The following CHST11 variants were observed in gnomAD, a reference collection of about 807,000 sequenced individuals.
CHST11 encodes carbohydrate sulfotransferase 11.
A neutral mutation model predicts 30.4 loss-of-function variants in CHST11; 9 were observed. That is an observed-to-expected ratio of 0.30 (90% confidence interval 0.18 to 0.52). The LOEUF (loss-of-function observed/expected upper bound fraction) is 0.52, where lower values mean the gene tolerates loss of function less well. Ranked by LOEUF, CHST11 falls within the 20% of genes least tolerant of loss-of-function variation. The pLI is 0.97. For missense variants in CHST11, 348 were observed against 460.6 expected (o/e 0.76, Z 2.24); for synonymous variants, 152 against 187.8 (o/e 0.81, Z 1.56).
chr12:104,628,647 C>T (rs1592803421), intron 2 of CHST11, among the ~76,000 whole-genome samples: 1 of 152,262 alleles, frequency 6.6e-6, no homozygotes, highest in East Asian at 1.9e-4. Flanking sequence ...TCATCTTGGG[C>T]CCCTCTATTC....
intron 2 of CHST11, among the ~76,000 whole-genome samples, chr12:104,638,624 A>G (rs1356457658): frequency 6.6e-6 from 1 of 152,196 alleles, no homozygotes; most frequent in African/African-American, 2.4e-5. Context: ...ATAGCCTTGC[A>G]TTTCTGCCAG....
intron 2 of CHST11, among the ~76,000 whole-genome samples, chr12:104,660,373 C>T (rs781473284): frequency 3.9e-5 from 6 of 152,176 alleles, no homozygotes; most frequent in Non-Finnish European, 8.8e-5. Context: ...GGGCTTGGCG[C>T]AGGTGGGCCC....
intron 2 of CHST11, among the ~76,000 whole-genome samples, chr12:104,618,763 C>T (rs919789914): frequency 2.0e-5 from 3 of 152,084 alleles, no homozygotes; most frequent in Non-Finnish European, 4.4e-5. Flanking sequence ...CATAGAGAGG[C>T]GTTTTGTTGT....
chr12:104,514,936 A>G (rs1396942375), intron 1 of CHST11, among the ~76,000 whole-genome samples: 1 of 152,212 alleles, frequency 6.6e-6, no homozygotes, highest in African/African-American at 2.4e-5. Flanking sequence ...AAAGAAGGAT[A>G]TGAAGAACCA....
intron 1 of CHST11, among the ~76,000 whole-genome samples, chr12:104,532,514 G>T (rs2038195477): frequency 6.6e-6 from 1 of 152,206 alleles, no homozygotes; most frequent in Non-Finnish European, 1.5e-5. Flanking sequence ...TGCGGGAGGG[G>T]TGCAGAGCGT....
intron 1 of CHST11, among the ~76,000 whole-genome samples, chr12:104,576,769 G>A (rs760830192): frequency 2.0e-5 from 3 of 152,126 alleles, no homozygotes; most frequent in Admixed American, 1.3e-4. Context: ...TCTGGGCCTC[G>A]AGATAGGCCT....
At chr12:104,487,225 A>G (rs1223433145) in intron 1 of CHST11, among the ~76,000 whole-genome samples, 1 of 152,192 alleles carries the variant, frequency 6.6e-6, no homozygotes, top group Non-Finnish European at 1.5e-5. Flanking sequence ...GATACATGCT[A>G]TGCCAGGTGC....
At chr12:104,664,481 T>C (rs2039624995) in intron 2 of CHST11, among the ~76,000 whole-genome samples, 1 of 152,158 alleles carries the variant, frequency 6.6e-6, no homozygotes, top group Admixed American at 6.5e-5. Context: ...GCCAGTAAAA[T>C]ATAACACACA....
At chr12:104,756,345 TGG>T (rs2040474282) in intron 2 of CHST11, among the ~76,000 whole-genome samples, 1 of 152,118 alleles carries the variant, frequency 6.6e-6, no homozygotes, top group Admixed American at 6.5e-5. Flanking sequence ...GAATGGCCTT[TGG>T]GGAGAAACTT....
intron 1 of CHST11, among the ~76,000 whole-genome samples, chr12:104,562,409 C>A (rs1387462521): frequency 6.6e-6 from 1 of 152,134 alleles, no homozygotes; most frequent in African/African-American, 2.4e-5. Context: ...CTTCCCCCTG[C>A]ACCTGAGTTA....
intron 2 of CHST11, among the ~76,000 whole-genome samples, chr12:104,682,855 C>G (rs1464096037): frequency 6.6e-6 from 1 of 152,212 alleles, no homozygotes; most frequent in Admixed American, 6.5e-5. Flanking sequence ...CAACACTGCT[C>G]CTGGCCTTAA....
chr12:104,488,553 ATG>A (rs1382003263), intron 1 of CHST11, among the ~76,000 whole-genome samples: 5 of 132,082 alleles, frequency 3.8e-5, no homozygotes, highest in African/African-American at 8.3e-5. Flanking sequence ...GTGTGCGTGT[ATG>A]TGTGTGTATG....
intron 2 of CHST11, among the ~76,000 whole-genome samples, chr12:104,754,035 C>T (rs138307509): frequency 1.5e-3 from 221 of 152,320 alleles, no homozygotes; most frequent in African/African-American, 5.2e-3. Flanking sequence ...GATTATTGCT[C>T]TGCCCTTTAT....
chr12:104,714,817 A>G (rs2040117193), intron 2 of CHST11, among the ~76,000 whole-genome samples: 1 of 152,192 alleles, frequency 6.6e-6, no homozygotes, highest in African/African-American at 2.4e-5. Context: ...CTGGTCACTC[A>G]TACTTTTTGT....
rs2037684973 is a variant in CHST11, at chr12:104,486,930, C to T, written c.118+29401C>T. On this transcript the variant is annotated intron_variant, in intron 1 of 2. Coordinates refer to ENST00000303694, the MANE Select transcript of CHST11 (RefSeq NM_018413.6). ...AGTCCAATTCAGCAATCCAACAGCG[C>T]AAGGCTTTTATAAAGAGGCATGCCC... 4.6e-5 allele frequency among the ~76,000 whole-genome samples: 7 copies of T among 152,144 alleles called. No homozygotes were observed. In the South Asian group the frequency reaches 1.2e-3, roughly 27 times the overall value.
intron 2 of CHST11, among the ~76,000 whole-genome samples, chr12:104,623,919 C>T (rs190347380): frequency 6.6e-6 from 1 of 152,214 alleles, no homozygotes; most frequent in African/African-American, 2.4e-5. Flanking sequence ...GCCACGAAGC[C>T]TTGTGTAGTC....
At chr12:104,563,613 A>G (rs1003716430) in intron 1 of CHST11, among the ~76,000 whole-genome samples, 1 of 152,186 alleles carries the variant, frequency 6.6e-6, no homozygotes, top group Non-Finnish European at 1.5e-5. Context: ...TCATCCATAA[A>G]TGTAATTTTA....
intron 2 of CHST11, among the ~76,000 whole-genome samples, chr12:104,749,104 G>C (rs1439021191): frequency 6.6e-6 from 1 of 152,180 alleles, no homozygotes; most frequent in Non-Finnish European, 1.5e-5. Flanking sequence ...CCATACATGA[G>C]GAAGCTTTCT....
chr12:104,697,875 T>G (rs761759267), intron 2 of CHST11, among the ~76,000 whole-genome samples: 3 of 152,182 alleles, frequency 2.0e-5, no homozygotes, highest in Non-Finnish European at 2.9e-5. Context: ...GCATGGCATG[T>G]CAGCCTTTGC....
Sources: allele counts gnomAD v4.1 joint callset (sites outside exome capture counted in the v4.1 genomes callset), GRCh38; gene constraint gnomAD v4.1.1; transcripts MANE v1.5; gene names NCBI Gene and HGNC (gene_info 2026-07-23, HGNC 2026-07-21).